The following CNTNAP2 variants were observed in gnomAD, a reference collection of about 807,000 sequenced individuals.
The protein encoded by CNTNAP2 is contactin-associated protein-like 2.
CNTNAP2 carries 98 observed loss-of-function variants against 155.2 expected under a neutral mutation model. The ratio of observed to expected loss-of-function variants is 0.63; its 90% CI spans 0.54 to 0.75. The LOEUF (loss-of-function observed/expected upper bound fraction) is 0.75. Ranked by LOEUF, CNTNAP2 falls within the 30% of genes least tolerant of loss-of-function variation. The pLI is 0.00. For synonymous variants in CNTNAP2, 651 were observed against 631.2 expected, an observed-to-expected ratio of 1.03 and a Z score of -0.47; for missense variants, 1,727 against 1,688.1, an observed-to-expected ratio of 1.02 and a Z score of -0.40.
chr7:147,503,792 C>G (rs1798860273), intron 11 of CNTNAP2, among the ~76,000 whole-genome samples: 2 of 152,030 alleles, frequency 1.3e-5, no homozygotes, highest in South Asian at 4.1e-4. Context: ...TTTTTTCTCC[C>G]AGAAAATAAA....
Position 146,390,807 on chromosome 7 carries a change from G to A in CNTNAP2, c.97+273834G>A, listed in dbSNP as rs921330667. ...ATTTTAGCTGGGTGTGGTGGCTCGC[G>A]CCTGTAATCCCAGCACTTTGGGAGG... On this transcript the variant is annotated intron_variant, in intron 1 of 23. Coordinates refer to ENST00000361727, the MANE Select transcript of CNTNAP2 (RefSeq NM_014141.6). Among the ~76,000 whole-genome samples, 5 of 137,832 alleles carry A rather than the reference G, an allele frequency of 3.6e-5. No homozygotes were observed. The Admixed American group carries it at 4.0e-4, about 11-fold the overall frequency. The allele number at this position is 137,832 out of a possible 152,430, so 90.4% of individuals were successfully genotyped here. A position where few individuals can be genotyped will look rare whatever the true frequency, so the allele number is the denominator to read the frequency against.
chr7:146,908,861 G>A (rs1186314012), intron 3 of CNTNAP2, among the ~76,000 whole-genome samples: 1 of 146,216 alleles, frequency 6.8e-6, no homozygotes, highest in African/African-American at 2.5e-5. Flanking sequence ...AATGAATCCA[G>A]GAACTGGTTT....
intron 1 of CNTNAP2, among the ~76,000 whole-genome samples, chr7:146,672,527 T>C (rs921054420): frequency 2.0e-5 from 3 of 152,126 alleles, no homozygotes; most frequent in African/African-American, 4.8e-5. Flanking sequence ...GATGTGAGAC[T>C]GCGGGAGAGG....
At chr7:147,295,158 C>T (rs1805410143) in intron 8 of CNTNAP2, among the ~76,000 whole-genome samples, 1 of 152,070 alleles carries the variant, frequency 6.6e-6, no homozygotes, top group African/African-American at 2.4e-5. Context: ...TATTTCCAGA[C>T]CTGATGCTGT....
At chr7:147,370,055 G>A (rs1490782358) in intron 9 of CNTNAP2, among the ~76,000 whole-genome samples, 2 of 152,212 alleles carry the variant, frequency 1.3e-5, no homozygotes, top group South Asian at 2.1e-4. Flanking sequence ...CCCAAACACA[G>A]TAACATCTTC....
chr7:146,576,045 C>T (rs1005748251), intron 1 of CNTNAP2, among the ~76,000 whole-genome samples: 1 of 152,166 alleles, frequency 6.6e-6, no homozygotes, highest in Non-Finnish European at 1.5e-5. Flanking sequence ...CTGAAAGCAA[C>T]CAACATCTGT....
At chr7:147,120,083 T>C (rs1801072015) in intron 5 of CNTNAP2, among the ~76,000 whole-genome samples, 2 of 152,338 alleles carry the variant, frequency 1.3e-5, no homozygotes, top group East Asian at 3.8e-4. Context: ...GTTATCATTT[T>C]AATTAAAAGA....
At chr7:146,463,446 AT>A (rs1563093771) in intron 1 of CNTNAP2, among the ~76,000 whole-genome samples, 2 of 152,118 alleles carry the variant, frequency 1.3e-5, no homozygotes, top group African/African-American at 4.8e-5. Flanking sequence ...AGTGGAATCA[AT>A]ATGTTAAATT....
chr7:147,452,819 G>A lies in CNTNAP2; in HGVS notation c.1671-33116G>A, dbSNP rs150628679. Among the ~76,000 whole-genome samples the A allele has an allele frequency of 3.2e-4, 49 of 152,084 alleles. No homozygotes were observed. The East Asian group carries it at 9.3e-3, about 29-fold the overall frequency. ...AAATGTTACAGAATGGAGATAGAAG[G>A]TAAAGAAAGACAAACGTAGAGTAAT... On this transcript the variant is annotated intron_variant, in intron 10 of 23. Coordinates refer to ENST00000361727, the MANE Select transcript of CNTNAP2 (RefSeq NM_014141.6).
At chr7:148,167,518 CG>C (rs1805691529) in intron 17 of CNTNAP2, among the ~76,000 whole-genome samples, 1 of 151,914 alleles carries the variant, frequency 6.6e-6, no homozygotes, top group African/African-American at 2.4e-5. Flanking sequence ...AGTCAGACAT[CG>C]GTGCAAAGAA....
intron 11 of CNTNAP2, among the ~76,000 whole-genome samples, chr7:147,526,816 G>T (rs1036566609): frequency 6.6e-6 from 1 of 152,064 alleles, no homozygotes; most frequent in Admixed American, 6.6e-5. Flanking sequence ...AGTATTAAGA[G>T]AAAGAAGAAA....
chr7:147,447,352 A>G (rs995466443), intron 10 of CNTNAP2, among the ~76,000 whole-genome samples: 12 of 152,230 alleles, frequency 7.9e-5, no homozygotes, highest in Admixed American at 7.2e-4. Flanking sequence ...AAGAAGATAG[A>G]AAAACACACC....
intron 3 of CNTNAP2, among the ~76,000 whole-genome samples, chr7:146,851,961 T>C (rs1018520144): frequency 6.6e-6 from 1 of 152,104 alleles, no homozygotes; most frequent in African/African-American, 2.4e-5. Context: ...GTTAGGATTG[T>C]AGGCATGAGT....
chr7:146,125,282 G>A (rs1425934891), intron 1 of CNTNAP2, among the ~76,000 whole-genome samples: 3 of 152,036 alleles, frequency 2.0e-5, no homozygotes, highest in Non-Finnish European at 2.9e-5. Context: ...ACAGAATTAA[G>A]AATAACTATT....
chr7:147,470,905 G>T (rs191950903), intron 10 of CNTNAP2, among the ~76,000 whole-genome samples: 1 of 152,022 alleles, frequency 6.6e-6, no homozygotes, highest in African/African-American at 2.4e-5. Context: ...GTCGAGCTCG[G>T]GGGCACACCG....
intron 3 of CNTNAP2, among the ~76,000 whole-genome samples, chr7:147,038,120 T>C (rs1285324605): frequency 6.6e-6 from 1 of 152,146 alleles, no homozygotes; most frequent in Non-Finnish European, 1.5e-5. Flanking sequence ...TGTGCCACTG[T>C]ACTCTAGCCT....
At chr7:147,644,901 T>C (rs531840926) in intron 13 of CNTNAP2, among the ~76,000 whole-genome samples, 3 of 152,306 alleles carry the variant, frequency 2.0e-5, no homozygotes, top group Non-Finnish European at 2.9e-5. Context: ...TATATATTTA[T>C]TTAATTGTAG....
chr7:147,219,586 A>G (rs2116590205), intron 8 of CNTNAP2, among the ~76,000 whole-genome samples: 1 of 152,308 alleles, frequency 6.6e-6, no homozygotes, highest in African/African-American at 2.4e-5. Flanking sequence ...GTGCCTACCC[A>G]GATTGAAGGT....
At chr7:147,355,883 T>G (rs1796055183) in intron 9 of CNTNAP2, among the ~76,000 whole-genome samples, 1 of 152,144 alleles carries the variant, frequency 6.6e-6, no homozygotes. Flanking sequence ...CCATTCCTTC[T>G]GAAACTATCC....
Sources: gnomAD v4.1 joint callset for allele counts (sites outside exome capture counted in the v4.1 genomes callset) on GRCh38, gnomAD v4.1.1 for gene constraint, MANE v1.5 for transcripts, NCBI Gene and HGNC (gene_info 2026-07-23, HGNC 2026-07-21) for gene names.